The following DHRS3 variants were observed in gnomAD, a reference collection of about 807,000 sequenced individuals.
DHRS3 encodes dehydrogenase/reductase 3.
In DHRS3, 14 loss-of-function variants were observed where a neutral mutation model predicts 27.2. The observed-to-expected ratio is 0.52, with a 90% CI of 0.34 to 0.81. The LOEUF (loss-of-function observed/expected upper bound fraction) is 0.81. Among genes scored for constraint, DHRS3 ranks in the 30% least tolerant of loss-of-function variants. DHRS3 has a pLI of 0.01. For missense variants in DHRS3, 322 were observed against 406.2 expected (o/e 0.79, Z 1.78); for synonymous variants, 165 against 175.9 (o/e 0.94, Z 0.49).
rs1329339168 is a variant in DHRS3, at chr1:12,608,120, G to T, written c.195+9034C>A. On this transcript the variant is annotated intron_variant, in intron 1 of 5. Transcript: ENST00000616661. This position sits in a 1 kb window ranked among gnomAD's most constrained non-coding sequence, Gnocchi z 4.1. ...TCGAACTCCTGACGTCAAGTGATCT[G>T]CCCGCCTCGGCCTCCCACAGTGCTG... is the stretch of plus-strand genomic sequence containing the variant. Among the ~76,000 whole-genome samples the T allele has an allele frequency of 6.6e-6, 1 of 152,094 alleles. No individual in the cohort carries two copies. The highest frequency in any genetic ancestry group is 1.5e-5 in the Non-Finnish European group (1 of 68,022).
chr1:12,588,472 C>T (rs777138707), intron 1 of DHRS3, among the ~76,000 whole-genome samples: 1 of 152,228 alleles, frequency 6.6e-6, no homozygotes, highest in Non-Finnish European at 1.5e-5. Flanking sequence ...ATACCCATTC[C>T]TCACTGCTAA....
intron 1 of DHRS3, among the ~76,000 whole-genome samples, chr1:12,599,878 T>C (rs1282448450): frequency 3.3e-5 from 5 of 152,294 alleles, no homozygotes; most frequent in African/African-American, 1.2e-4. Flanking sequence ...AGTATTTCCA[T>C]CTTTAAACTG....
rs192996314 is a variant in DHRS3, at chr1:12,592,316, G to A, written c.196-11650C>T. 2.6e-4 allele frequency among the ~76,000 whole-genome samples: 39 copies of A among 152,310 alleles called. No homozygotes were observed. The highest frequency in any genetic ancestry group is 1.3e-3 in the Admixed American group (20 of 15,306). On this transcript the variant is annotated intron_variant, in intron 1 of 5. Coordinates refer to ENST00000616661, the MANE Select transcript of DHRS3 (RefSeq NM_004753.7). This position sits in a 1 kb window ranked among gnomAD's most constrained non-coding sequence, Gnocchi z 4.2. ...GTACCTGTGAATGTGACCTTATGCTGAAAGAGGGTCTTTGGAATTGAGTAG... is the reference window on the plus strand; with the variant it reads ...GTACCTGTGAATGTGACCTTATGCTAAAAGAGGGTCTTTGGAATTGAGTAG...
chr1:12,572,723 C>T lies in DHRS3; in HGVS notation c.824+5G>A, dbSNP rs781419022. 2 of 1,590,132 alleles carry T rather than the reference C, an allele frequency of 1.3e-6. No homozygotes were observed. The highest frequency in any genetic ancestry group is 2.7e-5 in the African/African-American group (2 of 74,690). ...GACCCAGAGTGTTCTTTCCCAGCCC[C>T]ATACCTTTTCAAGATAACGAGGGCA... On this transcript the variant is annotated splice_donor_5th_base_variant and intron_variant, in intron 5 of 5. Transcript: ENST00000616661.
intron 1 of DHRS3, among the ~76,000 whole-genome samples, chr1:12,611,790 A>G (rs1319667033): frequency 1.3e-5 from 2 of 152,074 alleles, no homozygotes; most frequent in African/African-American, 4.8e-5. Context: ...TAACTTTTCC[A>G]GGGTCAAGAA....
chr1:12,570,246 G>A (rs546614214), intron 5 of DHRS3, among the ~76,000 whole-genome samples: 3 of 152,164 alleles, frequency 2.0e-5, no homozygotes, highest in African/African-American at 4.8e-5. Context: ...GCTTCTCCTC[G>A]TACAACCGGA....
At position 12,617,319 on chromosome 1, in the gene DHRS3, C is replaced by T. The variant is rs1373715331; in HGVS notation, c.30G>A (p.Val10=). Residue 10 remains valine (V), a synonymous_variant, in exon 1 of 6, where the codon GTG becomes GTA. Coordinates refer to ENST00000616661, the MANE Select transcript of DHRS3 (RefSeq NM_004753.7). The stretch of plus-strand genomic sequence containing the variant: ...GATAGATCATCTGTAGAGGGAACAT[C>T]ACCAGCGCGCCCAGCCGTTTCCACA... MVWKRLGAL[V]MFPLQMIYLV... 6.2e-7 allele frequency: 1 copy of T among 1,605,938 alleles called. No homozygotes were observed. Among genetic ancestry groups the T allele is most frequent in the African/African-American group, 1.3e-5 (1 of 74,742 alleles).
chr1:12,598,078 C>T (rs1385210534), intron 1 of DHRS3, among the ~76,000 whole-genome samples: 1 of 152,240 alleles, frequency 6.6e-6, no homozygotes, highest in Non-Finnish European at 1.5e-5. Flanking sequence ...CCCCAGCAGA[C>T]AGGTGACACC....
At chr1:12,589,424 T>C (rs11584625) in intron 1 of DHRS3, among the ~76,000 whole-genome samples, 3,940 of 150,722 alleles carry the variant, frequency 0.026, 87 homozygotes, top group Non-Finnish European at 0.041. Flanking sequence ...AGGCTTGCTC[T>C]GTGGGCTAGG....
In DHRS3 at chr1:12,594,023, C is replaced by CAAAA. The variant is rs1646768393; in HGVS notation, c.196-13358_196-13357insTTTT. Among the ~76,000 whole-genome samples, 1 of 152,186 alleles carries CAAAA rather than the reference C, an allele frequency of 6.6e-6. No homozygotes were observed. Among genetic ancestry groups the CAAAA allele is most frequent in the Non-Finnish European group, 1.5e-5 (1 of 68,034 alleles). On this transcript the variant is annotated intron_variant, in intron 1 of 5. Transcript: ENST00000616661. The surrounding 1 kb of genome is among the most constrained non-coding windows in gnomAD (Gnocchi z 4.1). ...GAGTTCATGGCTGACACCTCACAAC[C>CAAAA]TTTGCCCTTTTCCCCCACTGGACCT... is the stretch of plus-strand genomic sequence containing the variant.
At chr1:12,583,152 A>G (rs1283324631) in intron 1 of DHRS3, among the ~76,000 whole-genome samples, 1 of 132,688 alleles carries the variant, frequency 7.5e-6, no homozygotes, top group Admixed American at 7.6e-5. Flanking sequence ...CCATCCATCC[A>G]CTCACCCACC....
At chr1:12,604,185 G>A (rs981194154) in intron 1 of DHRS3, among the ~76,000 whole-genome samples, 2 of 152,132 alleles carry the variant, frequency 1.3e-5, no homozygotes, top group African/African-American at 4.8e-5. Context: ...CACCTCCTTC[G>A]AGAAGTCTTC....
At chr1:12,583,367 T>C (rs1396056672) in intron 1 of DHRS3, among the ~76,000 whole-genome samples, 154 of 42,982 alleles carry the variant, frequency 3.6e-3, no homozygotes, top group Non-Finnish European at 4.3e-3. Flanking sequence ...ACCCATCCAT[T>C]CCTCACCCAC....
At chr1:12,568,550 C>T in intron 5 of DHRS3, 126 bp from the exon 6 acceptor site, 2 of 811,680 alleles carry the variant, frequency 2.5e-6, no homozygotes, top group Non-Finnish European at 4.1e-6. Flanking sequence ...CCCACACCTC[C>T]AAGCCACACA....
chr1:12,584,167 C>G (rs1204056181), intron 1 of DHRS3, among the ~76,000 whole-genome samples: 3 of 151,972 alleles, frequency 2.0e-5, no homozygotes, highest in Non-Finnish European at 4.4e-5. Flanking sequence ...AATTGCTGGG[C>G]AAATTGACAG....
At position 12,606,967 on chromosome 1, in the gene DHRS3, G is replaced by A. The variant is rs543376740; in HGVS notation, c.195+10187C>T. Among the ~76,000 whole-genome samples, 36 of 152,292 alleles carry A rather than the reference G, an allele frequency of 2.4e-4. No homozygotes were observed. In the South Asian group the frequency reaches 4.4e-3, roughly 18 times the overall value. Reference sequence around the variant, plus strand: ...GTCAAAGCAAAAGCAGACCGACCAAGAGCAAAGGTCATGGCAATAGTTTTT... The same window carrying A: ...GTCAAAGCAAAAGCAGACCGACCAAAAGCAAAGGTCATGGCAATAGTTTTT... On this transcript the variant is annotated intron_variant, in intron 1 of 5. Transcript: ENST00000616661.
chr1:12,580,375 G>T, intron 2 of DHRS3, 148 bp downstream of exon 2: 1 of 1,030,014 alleles, frequency 9.7e-7, no homozygotes, highest in Non-Finnish European at 1.5e-6. Context: ...ACTGGGGCCA[G>T]CTTCATGGGA....
rs1054109676 is a variant in DHRS3 at position 12,594,876 on chromosome 1, G to C, written c.196-14210C>G. Among the ~76,000 whole-genome samples the C allele has an allele frequency of 5.9e-5, 9 of 152,170 alleles. No homozygotes were observed. The highest frequency in any genetic ancestry group is 2.2e-4 in the African/African-American group (9 of 41,434). On this transcript the variant is annotated intron_variant, in intron 1 of 5. Coordinates refer to ENST00000616661, the MANE Select transcript of DHRS3 (RefSeq NM_004753.7). The surrounding 1 kb of genome is among the most constrained non-coding windows in gnomAD (Gnocchi z 4.1). The stretch of plus-strand genomic sequence containing the variant: ...GGGATGCTTAGGTGATGGGAGAAGA[G>C]GGATTCTGGACGGTTGCAGAGCTGG...
rs539572082 is a variant in DHRS3, at chr1:12,586,933, C to T, written c.196-6267G>A. 5.3e-4 allele frequency among the ~76,000 whole-genome samples: 80 copies of T among 152,154 alleles called. No homozygotes were observed. Among genetic ancestry groups the T allele is most frequent in the African/African-American group, 1.6e-3 (68 of 41,490 alleles). ...GTACCCACTCCCTGTTGGTATTTCC[C>T]GTGGGGAGGAAAAGCTGAGAAAATC... is the stretch of plus-strand genomic sequence containing the variant. On this transcript the variant is annotated intron_variant, in intron 1 of 5. Transcript: ENST00000616661. This position sits in a 1 kb window ranked among gnomAD's most constrained non-coding sequence, Gnocchi z 5.0.
Sources: gnomAD v4.1 joint callset for allele counts (sites outside exome capture counted in the v4.1 genomes callset) on GRCh38, gnomAD v4.1.1 for gene constraint, Gnocchi (gnomAD v3.1) non-coding constraint, MANE v1.5 for transcripts, NCBI Gene and HGNC (gene_info 2026-07-23, HGNC 2026-07-21) for gene names.